EML2: variants seen among roughly 807,000 people sequenced by gnomAD.
EML2 encodes the protein echinoderm microtubule-associated protein-like 2.
EML2 carries 59 observed loss-of-function variants against 84.7 expected under a neutral mutation model. The ratio of observed to expected loss-of-function variants is 0.70; its 90% CI spans 0.56 to 0.86. The LOEUF (loss-of-function observed/expected upper bound fraction) is 0.86, where lower values mean the gene tolerates loss of function less well. Among genes scored for constraint, EML2 ranks in the 40% least tolerant of loss-of-function variants. EML2 has a pLI of 0.00. For synonymous variants in EML2, 352 were observed against 348.9 expected (o/e 1.01, Z -0.10); for missense variants, 818 against 855.6 (o/e 0.96, Z 0.55).
Position 45,617,699 on chromosome 19 carries a change from TGAGAAGG to T in EML2, c.1255-9_1255-3del, listed in dbSNP as rs757631339. 6.2e-7 allele frequency: 1 copy of T among 1,613,338 alleles called. No homozygotes were observed. Among genetic ancestry groups the T allele is most frequent in the Non-Finnish European group, 8.5e-7 (1 of 1,179,678 alleles). On this transcript the variant is annotated splice_polypyrimidine_tract_variant and splice_region_variant and intron_variant, in intron 12 of 18. Transcript: ENST00000245925. ...GAAGCCGGCTGAGCGGGCAGGGTCCTGAGAAGGGAGAGAGAAGAGGCAGGGCTCAGAG... is the reference window on the plus strand; with the variant it reads ...GAAGCCGGCTGAGCGGGCAGGGTCCTGAGAGAGAAGAGGCAGGGCTCAGAG...
chr19:45,641,896 G>T, upstream of EML2: 1 of 1,454,694 alleles, frequency 6.9e-7, no homozygotes, highest in South Asian at 1.4e-5. Flanking sequence ...AAGAGGCTGG[G>T]GGTCCCGGCC....
chr19:45,611,636 C>T lies in EML2; in HGVS notation c.1825-1848G>A, dbSNP rs561329118. On this transcript the variant is annotated intron_variant, in intron 18 of 18. Transcript: ENST00000245925. ...GAGTAGTTGGGATCACAGGTGCCCGCCACCACCCATGACTAATTTTTTTGC... is the reference window on the plus strand; with the variant it reads ...GAGTAGTTGGGATCACAGGTGCCCGTCACCACCCATGACTAATTTTTTTGC... Among the ~76,000 whole-genome samples the T allele has an allele frequency of 2.4e-4, 37 of 152,006 alleles. No individual in the cohort carries two copies. The South Asian group carries it at 7.5e-3, about 31-fold the overall frequency.
upstream of EML2, chr19:45,641,407 G>GACCT: frequency 2.0e-6 from 1 of 501,174 alleles, no homozygotes; most frequent in South Asian, 2.2e-5. Flanking sequence ...AGACCTGACC[G>GACCT]TCCAGCTTCT....
At position 45,626,823 on chromosome 19, in the gene EML2, A is replaced by C. The variant is rs370506894; in HGVS notation, c.623T>G (p.Val208Gly). ...CGTGGGGTGGAAGGTGGCCACCAATACAGCCTCATTGGAGCACTTTGGGGG... is the reference window on the plus strand; with the variant it reads ...CGTGGGGTGGAAGGTGGCCACCAATCCAGCCTCATTGGAGCACTTTGGGGG... ...VVDVKCSNEA[V>G]LVATFHPTDP... Residue 208 changes from valine (V) to glycine (G), a missense_variant, in exon 8 of 19, where the codon GTA becomes GGA. Physicochemically the swap from Val to Gly is moderately radical, Grantham distance 109 (BLOSUM62 -3). Transcript: ENST00000245925. 2 of 1,612,228 alleles carry C rather than the reference A, an allele frequency of 1.2e-6. No homozygotes were observed. Among genetic ancestry groups the C allele is most frequent in the African/African-American group, 2.7e-5 (2 of 74,860 alleles).
intron 1 of EML2, 112 bp downstream of exon 1, chr19:45,639,245 G>T (rs1483216682): frequency 1.1e-4 from 122 of 1,109,786 alleles, no homozygotes; most frequent in Non-Finnish European, 8.3e-5. Context: ...AGAGTTTAAG[G>T]GAAGGGGCGT....
Position 45,616,445 on chromosome 19 carries a change from G to A in EML2, c.1509+16C>T. The A allele has an allele frequency of 6.4e-7, 1 of 1,569,590 alleles. No individual in the cohort carries two copies. The highest frequency in any genetic ancestry group is 8.7e-7 in the Non-Finnish European group (1 of 1,151,186). On this transcript the variant is annotated intron_variant, in intron 15 of 18. Coordinates refer to ENST00000245925, the MANE Select transcript of EML2 (RefSeq NM_012155.4). ...GGCGGGGTGGCGGCGCGGGCTGGGG[G>A]CCACTGCCCACTCACCGAGCACTTG... is the stretch of plus-strand genomic sequence containing the variant.
At chr19:45,639,472 C>T (rs1974194137), upstream of EML2, 2 of 1,202,870 alleles carry the variant, frequency 1.7e-6, no homozygotes, top group East Asian at 6.4e-5. Flanking sequence ...GCGCCCCTGC[C>T]CCGCCCTCCA....
At chr19:45,637,539 C>T (rs1053620279) in intron 3 of EML2, among the ~76,000 whole-genome samples, 7 of 141,548 alleles carry the variant, frequency 4.9e-5, no homozygotes, top group Non-Finnish European at 9.0e-5. Context: ...AGTGCAATAG[C>T]ACAATCATGG....
intron 7 of EML2, 59 bp from the exon 8 acceptor site, chr19:45,626,898 C>G: frequency 2.6e-6 from 4 of 1,526,928 alleles, no homozygotes; most frequent in Non-Finnish European, 3.5e-6. Context: ...GCTACTATAC[C>G]CGCCCCTCAC....
chr19:45,613,667 G>T lies in EML2; in HGVS notation c.1698C>A (p.Ile566=). The stretch of plus-strand genomic sequence containing the variant: ...CAGTGCCGTCCGCCCCCTCAGACCA[G>T]ATCCCTGTGGGCAAGATGAAGGGAA... ...TCVLGFGVFG[I]WSEGADGTDI... The change falls in exon 18 of 19, where the codon ATC becomes ATA. Residue 566 remains isoleucine (I), a synonymous_variant. Transcript: ENST00000245925. The T allele has an allele frequency of 6.2e-7, 1 of 1,612,618 alleles. No individual in the cohort carries two copies. Among genetic ancestry groups the T allele is most frequent in the East Asian group, 2.2e-5 (1 of 44,838 alleles).
intron 7 of EML2, among the ~76,000 whole-genome samples, chr19:45,629,487 G>T (rs909799417): frequency 5.9e-5 from 9 of 152,022 alleles, no homozygotes; most frequent in African/African-American, 2.2e-4. Context: ...ACCATGCCCA[G>T]CTAATTTTGT....
At position 45,619,376 on chromosome 19, in the gene EML2, T is replaced by A. The variant is rs951378965; in HGVS notation, c.1123-185A>T. Reference sequence around the variant, plus strand: ...GGGCATCTGAACCCATGCCCTGGTGTGTGACTCAAGGCAAATCCTGCCCCT... The same window carrying A: ...GGGCATCTGAACCCATGCCCTGGTGAGTGACTCAAGGCAAATCCTGCCCCT... On this transcript the variant is annotated intron_variant, in intron 11 of 18. Coordinates refer to ENST00000245925, the MANE Select transcript of EML2 (RefSeq NM_012155.4). 96 of 650,392 alleles carry A rather than the reference T, an allele frequency of 1.5e-4. No individual in the cohort carries two copies. In the African/African-American group the frequency reaches 1.7e-3, roughly 11 times the overall value. 40.3% of individuals were successfully genotyped at this position (650,392 alleles called of 1,614,324 possible).
chr19:45,644,395 T>C (rs1045714291), upstream of EML2, among the ~76,000 whole-genome samples: 1 of 152,014 alleles, frequency 6.6e-6, no homozygotes, highest in African/African-American at 2.4e-5. Context: ...GAGGACAAAA[T>C]AAGCATTCTG....
intron 3 of EML2, among the ~76,000 whole-genome samples, chr19:45,636,795 CA>C (rs1032272722): frequency 3.9e-5 from 6 of 152,188 alleles, no homozygotes; most frequent in African/African-American, 9.6e-5. Context: ...AAAAAACACA[CA>C]AAAAAATTAG....
At position 45,638,603 on chromosome 19, in the gene EML2, G is replaced by T. The variant is rs763404559; in HGVS notation, c.81C>A (p.Gly27=). Residue 27 remains glycine, a synonymous_variant, in exon 3 of 19, where the codon GGC becomes GGA. Coordinates refer to ENST00000245925, the MANE Select transcript of EML2 (RefSeq NM_012155.4). The part of the protein sequence containing the change: ...EDGSVKMFLR[G]RPVPMMIPDE... ...CTGGGATCATCATGGGCACAGGGCGGCCCCTCAGGAACATTTTCACGGAGC... is the reference window on the plus strand; with the variant it reads ...CTGGGATCATCATGGGCACAGGGCGTCCCCTCAGGAACATTTTCACGGAGC... 1.2e-6 allele frequency: 2 copies of T among 1,614,026 alleles called. No individual in the cohort carries two copies. Among genetic ancestry groups the T allele is most frequent in the South Asian group, 2.2e-5 (2 of 91,080 alleles).
rs1568486593 is a variant in EML2 at position 45,637,656 on chromosome 19, CTTTTTCTTTTCTTTTTTTTT to C, written c.179+829_179+848del. 1.5e-3 allele frequency among the ~76,000 whole-genome samples: 151 copies of C among 98,852 alleles called. 6 individuals are homozygous for C. Among genetic ancestry groups the C allele is most frequent in the Admixed American group, 3.2e-3 (30 of 9,306 alleles). 64.9% of individuals were successfully genotyped at this position (98,852 alleles called of 152,430 possible). A position where few individuals can be genotyped will look rare whatever the true frequency, so the allele number is the denominator to read the frequency against. On this transcript the variant is annotated intron_variant, in intron 3 of 18. Coordinates refer to ENST00000245925, the MANE Select transcript of EML2 (RefSeq NM_012155.4). ...CACCATGGCTGGCTATTTTTTTTTT[CTTTTTCTTTTCTTTTTTTTT>C]TTTTTTTTTTTTTTTTTGAGACGGA... is the stretch of plus-strand genomic sequence containing the variant.
upstream of EML2, chr19:45,641,797 G>A: frequency 6.5e-7 from 1 of 1,528,322 alleles, no homozygotes; most frequent in East Asian, 2.5e-5. Flanking sequence ...GCCAGCAGGC[G>A]AGTGCCGTGA....
chr19:45,621,300 C>A lies in EML2; in HGVS notation c.1029G>T (p.Val343=). 1.2e-6 allele frequency: 2 copies of A among 1,611,484 alleles called. No individual in the cohort carries two copies. Among genetic ancestry groups the A allele is most frequent in the Non-Finnish European group, 1.7e-6 (2 of 1,178,370 alleles). ...ACAGTGTGTCTCCGTGGCCCTCTGC[C>A]ACGGTGCGCACAGGGCCAAAGTCCT... ...VPEDFGPVRT[V]AEGHGDTLYV... is the part of the protein sequence containing the mutation. The change falls in exon 11 of 19, where the codon GTG becomes GTT. Residue 343 remains valine (V), a synonymous_variant. Coordinates refer to ENST00000245925, the MANE Select transcript of EML2 (RefSeq NM_012155.4).
In EML2 at chr19:45,621,692, C is replaced by T. The variant is rs56225956; in HGVS notation, c.842-55G>A. The T allele has an allele frequency of 1.9e-6, 3 of 1,547,994 alleles. No homozygotes were observed. The African/African-American group carries it at 4.1e-5, about 21-fold the overall frequency. ...GGGAGAAGCCACCCCTATGCTGACCCCTGAAAGCATCTTGAACTCTCAAGC... is the reference window on the plus strand; with the variant it reads ...GGGAGAAGCCACCCCTATGCTGACCTCTGAAAGCATCTTGAACTCTCAAGC... On this transcript the variant is annotated intron_variant, in intron 9 of 18. Coordinates refer to ENST00000245925, the MANE Select transcript of EML2 (RefSeq NM_012155.4).
Sources: allele counts gnomAD v4.1 joint callset (sites outside exome capture counted in the v4.1 genomes callset), GRCh38; gene constraint gnomAD v4.1.1; transcripts MANE v1.5; gene names NCBI Gene and HGNC (gene_info 2026-07-23, HGNC 2026-07-21).